KALRN: variants seen among roughly 807,000 people sequenced by gnomAD.
KALRN encodes the protein kalirin.
KALRN carries 70 observed loss-of-function variants against 353.7 expected under a neutral mutation model. That is an observed-to-expected ratio of 0.20 (90% CI 0.16 to 0.24). The LOEUF (loss-of-function observed/expected upper bound fraction) is 0.24, where lower values mean the gene tolerates loss of function less well. Among genes scored for constraint, KALRN ranks in the 10% least tolerant of loss-of-function variants. KALRN has a pLI of 1.00. For synonymous variants in KALRN, 1,391 were observed against 1,434.8 expected (o/e 0.97, Z 0.69); for missense variants, 2,791 against 3,756.7 (o/e 0.74, Z 6.72).
intron 51 of KALRN, among the ~76,000 whole-genome samples, chr3:124,689,141 G>A (rs544641643): frequency 1.3e-5 from 2 of 152,338 alleles, no homozygotes; most frequent in South Asian, 2.1e-4. Flanking sequence ...TTCACAGAGA[G>A]AGAACATGTG....
chr3:124,043,554 G>A (rs1438238570), intron 1 of KALRN, among the ~76,000 whole-genome samples: 1 of 152,086 alleles, frequency 6.6e-6, no homozygotes, highest in Non-Finnish European at 1.5e-5. Context: ...GTAGCTGGCT[G>A]GGAAGGACCA....
chr3:124,496,499 C>G, intron 33 of KALRN, 86 bp downstream of exon 33: 2 of 965,588 alleles, frequency 2.1e-6, no homozygotes, highest in Non-Finnish European at 3.3e-6. Flanking sequence ...GAATTTCTCT[C>G]ACTATGGATC....
chr3:124,223,987 A>G (rs2078205600), intron 1 of KALRN, among the ~76,000 whole-genome samples: 4 of 152,208 alleles, frequency 2.6e-5, no homozygotes, highest in African/African-American at 9.6e-5. Context: ...GGAGCATTTC[A>G]ACTTTGCTAA....
In KALRN at chr3:124,699,930, C is replaced by A; in HGVS notation, c.7893C>A (p.Asp2631Glu). The A allele has an allele frequency of 6.2e-7, 1 of 1,614,194 alleles. No homozygotes were observed. The highest frequency in any genetic ancestry group is 8.5e-7 in the Non-Finnish European group (1 of 1,180,026). ...STLDTYLVIE[D>E]LSPGCPYQFR... Reference sequence around the variant, plus strand: ...TGGACACTTACCTCGTCATCGAAGACCTTAGTCCCGGGTGTCCTTATCAGT... The same window carrying A: ...TGGACACTTACCTCGTCATCGAAGAACTTAGTCCCGGGTGTCCTTATCAGT... The change falls in exon 56 of 60, where the codon GAC becomes GAA. Residue 2631 changes from aspartate (D) to glutamate (E), a missense_variant. Transcript: ENST00000682506.
At chr3:124,275,862 G>A (rs1560434661) in intron 5 of KALRN, among the ~76,000 whole-genome samples, 4 of 152,198 alleles carry the variant, frequency 2.6e-5, no homozygotes, top group Non-Finnish European at 2.9e-5. Context: ...CCTGGGCAGG[G>A]CACAAAAGAG....
chr3:124,380,137 A>T (rs1015956406), intron 10 of KALRN, among the ~76,000 whole-genome samples: 5 of 152,154 alleles, frequency 3.3e-5, no homozygotes, highest in Non-Finnish European at 5.9e-5. Flanking sequence ...ATTACCAAGG[A>T]AGTAGCCTCT....
rs192084223 is a variant in KALRN at position 124,127,037 on chromosome 3, G to A, written c.73+93224G>A. ...TTCATAAAATAATGACCCCTGGTTC[G>A]ATAATGACAGGAGCCCCAAGCTGCC... On this transcript the variant is annotated intron_variant, in intron 1 of 59. Coordinates refer to ENST00000682506, the MANE Select transcript of KALRN (RefSeq NM_001388419.1). 3.2e-4 allele frequency among the ~76,000 whole-genome samples: 48 copies of A among 152,288 alleles called. 1 individual carries two copies. The East Asian group carries it at 7.3e-3, about 23-fold the overall frequency.
At position 124,603,803 on chromosome 3, in the gene KALRN, A is replaced by T. The variant is rs142925211; in HGVS notation, c.5183-28617A>T. On this transcript the variant is annotated intron_variant, in intron 34 of 59. Coordinates refer to ENST00000682506, the MANE Select transcript of KALRN (RefSeq NM_001388419.1). ...TTGCCTCATTTTGACTTTGAACTTG[A>T]TGGGGGCAAAAGGGGGAGAATGAAG... Among the ~76,000 whole-genome samples, 103 of 152,214 alleles carry T rather than the reference A, an allele frequency of 6.8e-4. 1 individual carries two copies. The East Asian group carries it at 0.017, about 25-fold the overall frequency.
chr3:124,615,276 A>G (rs2078449579), intron 34 of KALRN, among the ~76,000 whole-genome samples: 1 of 152,252 alleles, frequency 6.6e-6, no homozygotes, highest in Admixed American at 6.5e-5. Flanking sequence ...GGCAAACCAA[A>G]TGAGGGACAT....
At chr3:124,061,892 T>C (rs1008362146) in intron 1 of KALRN, among the ~76,000 whole-genome samples, 1 of 152,090 alleles carries the variant, frequency 6.6e-6, no homozygotes, top group African/African-American at 2.4e-5. Context: ...GCACAAGTGC[T>C]TGTTGTAAAG....
At chr3:124,454,902 A>G (rs2059156066) in intron 21 of KALRN, among the ~76,000 whole-genome samples, 2 of 152,204 alleles carry the variant, frequency 1.3e-5, no homozygotes, top group African/African-American at 4.8e-5. Context: ...GGATTTTGGT[A>G]TCCATGGGGG....
chr3:124,194,000 C>T (rs2075194636), intron 1 of KALRN, among the ~76,000 whole-genome samples: 1 of 152,124 alleles, frequency 6.6e-6, no homozygotes, highest in Non-Finnish European at 1.5e-5. Flanking sequence ...TCCAACTAGG[C>T]TTTGCATCTG....
At chr3:124,585,051 A>G (rs1320100547) in intron 34 of KALRN, 3 of 1,027,916 alleles carry the variant, frequency 2.9e-6, no homozygotes, top group South Asian at 1.7e-5. Flanking sequence ...GCGAAGTGAG[A>G]GAGTTTGCTG....
chr3:124,355,637 C>T (rs766997412), intron 10 of KALRN, among the ~76,000 whole-genome samples: 11 of 151,212 alleles, frequency 7.3e-5, no homozygotes, highest in Non-Finnish European at 1.5e-4. Flanking sequence ...TAGTGTGCTT[C>T]GTCCCACTGG....
intron 33 of KALRN, among the ~76,000 whole-genome samples, chr3:124,554,537 C>T (rs1249111850): frequency 1.3e-5 from 2 of 152,080 alleles, no homozygotes; most frequent in East Asian, 3.8e-4. Context: ...CTTTATGTAA[C>T]AGCTTGTTCT....
rs150265500 is a variant in KALRN at position 124,135,639 on chromosome 3, G to C, written c.74-92351G>C. ...AGTCTGGTTCCAAGGGACCCAGCCT[G>C]TTTTTAAGGACAGCGAATCAAGATG... On this transcript the variant is annotated intron_variant, in intron 1 of 59. Transcript: ENST00000682506. Among the ~76,000 whole-genome samples the C allele has an allele frequency of 3.3e-5, 5 of 152,276 alleles. No homozygotes were observed. The East Asian group carries it at 9.6e-4, about 29-fold the overall frequency.
chr3:124,468,346 G>GT (rs1333795722), intron 25 of KALRN, among the ~76,000 whole-genome samples: 7 of 152,064 alleles, frequency 4.6e-5, no homozygotes, highest in Non-Finnish European at 7.4e-5. Context: ...AAACACAAGG[G>GT]GGGGGTTGAT....
chr3:124,499,459 G>C (rs2064260256), intron 33 of KALRN, among the ~76,000 whole-genome samples: 1 of 152,214 alleles, frequency 6.6e-6, no homozygotes, highest in Non-Finnish European at 1.5e-5. Context: ...ACTCTTACTA[G>C]AGGGGAAGCA....
chr3:124,386,627 A>T (rs1222943933), intron 11 of KALRN, among the ~76,000 whole-genome samples: 1 of 152,220 alleles, frequency 6.6e-6, no homozygotes, highest in East Asian at 1.9e-4. Flanking sequence ...CTATAAAATT[A>T]TGCAGTTGGA....
Sources: gnomAD v4.1 joint callset for allele counts (sites outside exome capture counted in the v4.1 genomes callset) on GRCh38, gnomAD v4.1.1 for gene constraint, MANE v1.5 for transcripts, NCBI Gene and HGNC (gene_info 2026-07-23, HGNC 2026-07-21) for gene names.